The following LNPEP variants were observed in gnomAD, a reference collection of about 807,000 sequenced individuals.
LNPEP encodes the protein leucyl and cystinyl aminopeptidase, also known as leucyl-cystinyl aminopeptidase.
Under a neutral mutation model 120.6 loss-of-function variants are expected in LNPEP, and 64 were observed. The ratio of observed to expected loss-of-function variants is 0.53; its 90% CI spans 0.43 to 0.65. The LOEUF is 0.65. Among genes scored for constraint, LNPEP ranks in the 30% least tolerant of loss-of-function variants. The pLI, the probability that LNPEP is intolerant of heterozygous loss-of-function variation, is 0.00. For synonymous variants in LNPEP, 435 were observed against 425.4 expected, an observed-to-expected ratio of 1.02 and a Z score of -0.28; for missense variants, 1,057 against 1,200.0, an observed-to-expected ratio of 0.88 and a Z score of 1.76.
At chr5:96,989,328 A>AATTATATATAATATATAATATATTATAT in intron 4 of LNPEP, among the ~76,000 whole-genome samples, 1 of 21,036 alleles carries the variant, frequency 4.8e-5, no homozygotes, top group East Asian at 1.3e-3. Flanking sequence ...TATAATATAT[A>AATTATATATAATATATAATATATTATAT]ATTATATATA....
intron 7 of LNPEP, 52 bp downstream of exon 7, chr5:96,996,555 C>A: frequency 2.2e-6 from 2 of 910,440 alleles, no homozygotes; most frequent in Non-Finnish European, 3.6e-6. Flanking sequence ...GAAAAATAGT[C>A]AAATCACATT....
intron 5 of LNPEP, among the ~76,000 whole-genome samples, chr5:96,993,372 G>A (rs1330026878): frequency 6.6e-6 from 1 of 152,156 alleles, no homozygotes; most frequent in Non-Finnish European, 1.5e-5. Flanking sequence ...GTATAAGTGG[G>A]AATTTGCTTA....
chr5:96,938,984 CAAA>C (rs11342983), intron 1 of LNPEP, among the ~76,000 whole-genome samples: 67 of 142,780 alleles, frequency 4.7e-4, no homozygotes, highest in Non-Finnish European at 5.4e-4. Context: ...TTGTATATTA[CAAA>C]AAAAAAAAAA....
intron 4 of LNPEP, among the ~76,000 whole-genome samples, chr5:96,992,382 A>T (rs1158674085): frequency 6.6e-6 from 1 of 152,206 alleles, no homozygotes; most frequent in Non-Finnish European, 1.5e-5. Flanking sequence ...CAACTGAAAA[A>T]AAAGTTAGCT....
chr5:96,988,601 G>A (rs1790299711), intron 4 of LNPEP, among the ~76,000 whole-genome samples: 1 of 151,830 alleles, frequency 6.6e-6, no homozygotes, highest in South Asian at 2.1e-4. Flanking sequence ...CTCCCAAAGT[G>A]CTGGGATCTT....
intron 15 of LNPEP, among the ~76,000 whole-genome samples, chr5:97,025,454 A>C (rs1791314756): frequency 6.6e-6 from 1 of 152,256 alleles, no homozygotes; most frequent in Non-Finnish European, 1.5e-5. Context: ...CCTCTGACTT[A>C]AGCAAATAGA....
chr5:96,968,865 G>A (rs1442659120), intron 1 of LNPEP, among the ~76,000 whole-genome samples: 1 of 152,060 alleles, frequency 6.6e-6, no homozygotes, highest in Non-Finnish European at 1.5e-5. Context: ...GGCAGAGCAG[G>A]CACTGTGCGT....
chr5:96,953,143 A>G (rs545304909), intron 1 of LNPEP, among the ~76,000 whole-genome samples: 1 of 122,996 alleles, frequency 8.1e-6, no homozygotes, highest in Non-Finnish European at 1.9e-5. Context: ...CCTGGAACAG[A>G]TGGTTAATCT....
intron 1 of LNPEP, among the ~76,000 whole-genome samples, chr5:96,955,596 G>A (rs1789449116): frequency 6.6e-6 from 1 of 152,162 alleles, no homozygotes; most frequent in Admixed American, 6.5e-5. Flanking sequence ...GCCTGGCTGG[G>A]CAACAGAGTG....
intron 2 of LNPEP, among the ~76,000 whole-genome samples, chr5:96,980,529 G>A (rs1315446626): frequency 6.6e-6 from 1 of 151,870 alleles, no homozygotes; most frequent in African/African-American, 2.4e-5. Context: ...GACTTAATTT[G>A]GTTCAGAAAA....
chr5:96,956,650 T>C (rs1291717243), intron 1 of LNPEP, among the ~76,000 whole-genome samples: 5 of 152,238 alleles, frequency 3.3e-5, no homozygotes, highest in African/African-American at 1.2e-4. Flanking sequence ...GTTTATTCCT[T>C]TTTGAATTGG....
chr5:97,002,159 A>T (rs1401454432), intron 8 of LNPEP, among the ~76,000 whole-genome samples: 1 of 152,034 alleles, frequency 6.6e-6, no homozygotes, highest in Non-Finnish European at 1.5e-5. Context: ...AAATAAATAA[A>T]TAAATACTTA....
At position 96,936,154 on chromosome 5, in the gene LNPEP, A is replaced by G; in HGVS notation, c.-2A>G. 1 of 1,501,046 alleles carries G rather than the reference A, an allele frequency of 6.7e-7. No individual in the cohort carries two copies. 93.0% of individuals were successfully genotyped at this position (1,501,046 alleles called of 1,614,324 possible). A position where few individuals can be genotyped will look rare whatever the true frequency, so the allele number is the denominator to read the frequency against. On this transcript the variant is annotated 5_prime_UTR_variant, in exon 1 of 18. Transcript: ENST00000231368. ...GCTGTAAGGAGCCGCGGCGGGGGGAAAATGGAGCCCTTCACCAATGGTGAG... is the reference window on the plus strand; with the variant it reads ...GCTGTAAGGAGCCGCGGCGGGGGGAGAATGGAGCCCTTCACCAATGGTGAG...
At chr5:97,021,918 C>CTTTTTTTTTTT (rs1561455270) in intron 13 of LNPEP, among the ~76,000 whole-genome samples, 3 of 50,014 alleles carry the variant, frequency 6.0e-5, no homozygotes, top group Admixed American at 4.0e-4. Flanking sequence ...TGTTTTTTGT[C>CTTTTTTTTTTT]TTTTGTTTTT....
At chr5:97,020,052 A>C (rs1791154761) in intron 13 of LNPEP, among the ~76,000 whole-genome samples, 2 of 152,292 alleles carry the variant, frequency 1.3e-5, no homozygotes, top group South Asian at 4.1e-4. Flanking sequence ...TCTGTGTTTC[A>C]TTGCTTTTGA....
chr5:96,944,324 G>A (rs1268174550), intron 1 of LNPEP, among the ~76,000 whole-genome samples: 3 of 152,086 alleles, frequency 2.0e-5, no homozygotes, highest in African/African-American at 2.4e-5. Flanking sequence ...GATAAATAAT[G>A]TGTGACCAAG....
chr5:96,995,285 A>G (rs1446555955), intron 6 of LNPEP, among the ~76,000 whole-genome samples: 1 of 152,132 alleles, frequency 6.6e-6, no homozygotes, highest in Non-Finnish European at 1.5e-5. Flanking sequence ...TGTTATTGTA[A>G]TTCTCAAAGG....
At chr5:96,976,795 A>C (rs1247940857) in intron 1 of LNPEP, among the ~76,000 whole-genome samples, 3 of 152,152 alleles carry the variant, frequency 2.0e-5, no homozygotes, top group Non-Finnish European at 2.9e-5. Context: ...CCAGGAACCA[A>C]AAAACTACTA....
intron 1 of LNPEP, chr5:96,936,382 T>A: frequency 2.6e-6 from 1 of 390,650 alleles, no homozygotes; most frequent in Non-Finnish European, 4.5e-6. Flanking sequence ...GGGGCTGGCT[T>A]GAAGGTCAGC....
Sources: gnomAD v4.1 joint callset for allele counts (sites outside exome capture counted in the v4.1 genomes callset) on GRCh38, gnomAD v4.1.1 for gene constraint, MANE v1.5 for transcripts, NCBI Gene and HGNC (gene_info 2026-07-23, HGNC 2026-07-21) for gene names.